Variants in PLXNA2 observed in about 807,000 individuals in gnomAD.
PLXNA2 encodes the protein plexin-A2.
PLXNA2 carries 91 observed loss-of-function variants against 193.5 expected under a neutral mutation model. The observed-to-expected ratio is 0.47, with a 90% CI of 0.40 to 0.56. PLXNA2 has a LOEUF of 0.56. Ranked by LOEUF, PLXNA2 falls within the 20% of genes least tolerant of loss-of-function variation. The probability of loss-of-function intolerance (pLI) is 0.00; values close to 1 mark genes in which losing one functional copy is unlikely to be tolerated. For missense variants in PLXNA2, 1,995 were observed against 2,503.2 expected, an observed-to-expected ratio of 0.80 and a Z score of 4.33; for synonymous variants, 997 against 1,027.3, an observed-to-expected ratio of 0.97 and a Z score of 0.56.
chr1:208,205,821 A>G (rs1075787), intron 3 of PLXNA2, among the ~76,000 whole-genome samples: 31,522 of 152,112 alleles, frequency 0.21, 3,512 homozygotes, highest in Admixed American at 0.29. Flanking sequence ...GCATTGCTGT[A>G]ACGCCTACCC....
intron 4 of PLXNA2, among the ~76,000 whole-genome samples, chr1:208,139,215 A>G (rs1457682417): frequency 6.6e-6 from 1 of 152,226 alleles, no homozygotes; most frequent in Non-Finnish European, 1.5e-5. Flanking sequence ...GAGACTTTAG[A>G]GTTAGATTTA....
intron 4 of PLXNA2, among the ~76,000 whole-genome samples, chr1:208,140,911 T>C (rs1271839692): frequency 6.6e-6 from 1 of 152,226 alleles, no homozygotes; most frequent in Non-Finnish European, 1.5e-5. Context: ...AGCACTTTGT[T>C]CCCAATAAAT....
At position 208,028,771 on chromosome 1, in the gene PLXNA2, T is replaced by C. The variant is rs1664415348; in HGVS notation, c.5438+59A>G. The C allele has an allele frequency of 2.2e-5, 33 of 1,488,260 alleles. No homozygotes were observed. The highest frequency in any genetic ancestry group is 2.8e-5 in the African/African-American group (2 of 72,190). The allele number at this position is 1,488,260 out of a possible 1,614,324, so 92.2% of individuals were successfully genotyped here. On this transcript the variant is annotated intron_variant, in intron 30 of 31. Coordinates refer to ENST00000367033, the MANE Select transcript of PLXNA2 (RefSeq NM_025179.4). This position sits in a 1 kb window ranked among gnomAD's most constrained non-coding sequence, Gnocchi z 4.2. ...CTGAGTCCTTAGTCAGTGATGACTA[T>C]AGAGCGGGGAATGGGCAGGGAGACA...
chr1:208,211,196 G>A (rs1035632026), intron 2 of PLXNA2, among the ~76,000 whole-genome samples: 2 of 152,180 alleles, frequency 1.3e-5, no homozygotes, highest in Non-Finnish European at 2.9e-5. Context: ...GCATGCAAAA[G>A]ATTTGTGTTA....
At position 208,103,201 on chromosome 1, in the gene PLXNA2, C is replaced by A. The variant is rs1489790963; in HGVS notation, c.1553G>T (p.Gly518Val). Residue 518 changes from glycine to valine, a missense_variant, in exon 5 of 32, where the codon GGG becomes GTG. Around this residue, in one of 3 missense-constraint regions of PLXNA2, gnomAD observed 702 missense variants for 812.9 expected, o/e 0.86. Coordinates refer to ENST00000367033, the MANE Select transcript of PLXNA2 (RefSeq NM_025179.4). ...VESCEQYTTC[G>V]ECLSSGDPHC... The stretch of plus-strand genomic sequence containing the variant: ...AGGGTCCCCAGAGCTCAGGCACTCC[C>A]CACAAGTCGTATACTGCTCACATGA... 1.2e-6 allele frequency: 2 copies of A among 1,614,164 alleles called. No homozygotes were observed. Among genetic ancestry groups the A allele is most frequent in the Middle Eastern group, 1.6e-4 (1 of 6,062 alleles).
chr1:208,097,068 G>A (rs1369587873), intron 6 of PLXNA2, among the ~76,000 whole-genome samples, 185 bp from the exon 7 acceptor site: 1 of 152,210 alleles, frequency 6.6e-6, no homozygotes, highest in Non-Finnish European at 1.5e-5. Flanking sequence ...TATTCAATGT[G>A]TGTAGGGTCA....
At chr1:208,095,454 C>A (rs1218781877) in intron 8 of PLXNA2, among the ~76,000 whole-genome samples, 2 of 152,214 alleles carry the variant, frequency 1.3e-5, no homozygotes, top group Admixed American at 6.5e-5. Context: ...GTGGTTTGGC[C>A]TGTCTGGTTT....
intron 4 of PLXNA2, among the ~76,000 whole-genome samples, chr1:208,113,014 A>AAC (rs1553281850): frequency 6.6e-6 from 1 of 151,672 alleles, no homozygotes; most frequent in Non-Finnish European, 1.5e-5. Flanking sequence ...ACAAAAAAAA[A>AAC]AAAAAAAAAA....
At chr1:208,078,678 C>G (rs1202884696) in intron 12 of PLXNA2, among the ~76,000 whole-genome samples, 4 of 152,202 alleles carry the variant, frequency 2.6e-5, no homozygotes. Context: ...TTTTCATCCA[C>G]ATCATCTTCC....
chr1:208,078,863 G>A (rs1353586808), intron 12 of PLXNA2, among the ~76,000 whole-genome samples: 2 of 152,236 alleles, frequency 1.3e-5, no homozygotes, highest in Middle Eastern at 3.4e-3. Flanking sequence ...TTGCAACTCC[G>A]AGCTAATTGC....
chr1:208,213,608 G>A (rs541535791), intron 2 of PLXNA2, among the ~76,000 whole-genome samples: 1 of 152,326 alleles, frequency 6.6e-6, no homozygotes, highest in African/African-American at 2.4e-5. Context: ...TGGGATCAGA[G>A]CTCAAATTTT....
At chr1:208,054,590 C>T (rs755927321) in intron 13 of PLXNA2, 52 bp from the exon 14 acceptor site, 6 of 1,249,488 alleles carry the variant, frequency 4.8e-6, no homozygotes, top group Non-Finnish European at 7.0e-6. Context: ...GCTGGCATCG[C>T]TGTTCACTTG....
In PLXNA2 at chr1:208,106,143, G is replaced by T. The variant is rs114921525; in HGVS notation, c.1507-2896C>A. Among the ~76,000 whole-genome samples the T allele has an allele frequency of 4.0e-5, 6 of 151,856 alleles. 1 individual carries two copies. The East Asian group carries it at 9.7e-4, about 25-fold the overall frequency. ...AACTTGTAAGTTGGCAGGGGTGGAG[G>T]GGGGGTGGTCTAAAACTTGAATTAT... On this transcript the variant is annotated intron_variant, in intron 4 of 31. Transcript: ENST00000367033.
intron 22 of PLXNA2, 137 bp from the exon 23 acceptor site, chr1:208,040,195 C>A: frequency 1.5e-6 from 1 of 676,408 alleles, no homozygotes; most frequent in South Asian, 1.8e-5. Context: ...CACCTGGGTC[C>A]CAGCCCAGCT....
intron 3 of PLXNA2, among the ~76,000 whole-genome samples, chr1:208,164,714 C>A (rs919798722): frequency 6.6e-6 from 1 of 152,196 alleles, no homozygotes; most frequent in East Asian, 1.9e-4. Context: ...CATGCAGGTG[C>A]CAAACCCAGC....
At position 208,031,640 on chromosome 1, in the gene PLXNA2, G is replaced by A. The variant is rs766991936; in HGVS notation, c.5175C>T (p.Asp1725=). 134 of 1,613,864 alleles carry A rather than the reference G, an allele frequency of 8.3e-5. No individual in the cohort carries two copies. Among genetic ancestry groups the A allele is most frequent in the Middle Eastern group, 1.6e-4 (1 of 6,084 alleles). The change falls in exon 29 of 32, where the codon GAC becomes GAT. Residue 1725 remains aspartate (D), a synonymous_variant. Coordinates refer to ENST00000367033, the MANE Select transcript of PLXNA2 (RefSeq NM_025179.4). ...CATCTGTGTCATGGATGCTGTGCCTGTCTGCCTGCTCATCTAGGAAATCAA... is the reference window on the plus strand; with the variant it reads ...CATCTGTGTCATGGATGCTGTGCCTATCTGCCTGCTCATCTAGGAAATCAA... ...YMFDFLDEQA[D]RHSIHDTDVR...
chr1:208,040,513 C>A (rs1189229903), intron 22 of PLXNA2, among the ~76,000 whole-genome samples: 1 of 152,216 alleles, frequency 6.6e-6, no homozygotes, highest in African/African-American at 2.4e-5. Context: ...CCCTTCCCCT[C>A]CAAAAACACT....
chr1:208,076,057 C>CAA (rs750601110), intron 12 of PLXNA2, among the ~76,000 whole-genome samples: 14 of 59,278 alleles, frequency 2.4e-4, no homozygotes, highest in South Asian at 5.9e-4. Flanking sequence ...GACCCTGTCT[C>CAA]AAAAAAAAAA....
At chr1:208,080,763 A>C (rs1166650020) in intron 11 of PLXNA2, among the ~76,000 whole-genome samples, 2 of 152,134 alleles carry the variant, frequency 1.3e-5, no homozygotes, top group Non-Finnish European at 2.9e-5. Flanking sequence ...GTTCATACCC[A>C]TGAGCTCATT....
Sources: allele counts gnomAD v4.1 joint callset (sites outside exome capture counted in the v4.1 genomes callset), GRCh38; gene constraint gnomAD v4.1.1; regional missense constraint gnomAD v4.1.1; non-coding constraint Gnocchi (gnomAD v3.1); transcripts MANE v1.5; gene names NCBI Gene and HGNC (gene_info 2026-07-23, HGNC 2026-07-21).